Variants in ITGB3 observed in about 807,000 individuals in gnomAD.
ITGB3 encodes integrin subunit beta 3.
Under a neutral mutation model 85.8 loss-of-function variants are expected in ITGB3, and 48 were observed. The ratio of observed to expected loss-of-function variants is 0.56; its 90% CI spans 0.44 to 0.71. The LOEUF is 0.71. ITGB3 is among the 30% of genes least tolerant of loss of function. ITGB3 has a pLI of 0.00. For synonymous variants in ITGB3, 363 were observed against 395.6 expected (o/e 0.92, Z 0.98); for missense variants, 861 against 1,019.1 (o/e 0.84, Z 2.11).
chr17:47,255,186 C>T (rs2064984572), intron 1 of ITGB3, among the ~76,000 whole-genome samples: 1 of 151,804 alleles, frequency 6.6e-6, no homozygotes, highest in Non-Finnish European at 1.5e-5. Flanking sequence ...ACCATGTTGG[C>T]CAGGCTGGTC....
intron 1 of ITGB3, among the ~76,000 whole-genome samples, chr17:47,270,403 A>T (rs1249076241): frequency 3.9e-5 from 6 of 152,156 alleles, no homozygotes. Flanking sequence ...AAGTCTTCTG[A>T]TAGGGGAAAA....
chr17:47,287,349 C>T (rs2065106592), intron 6 of ITGB3, 118 bp downstream of exon 6: 1 of 1,185,924 alleles, frequency 8.4e-7, no homozygotes. Flanking sequence ...GGGTGCAGGG[C>T]TCGGTTCCAG....
rs117052258 is a variant in ITGB3 at position 47,253,855 on chromosome 17, G to C, written c.-7G>C. 35,365 of 1,219,630 alleles carry C rather than the reference G, an allele frequency of 0.029. 1,156 individuals carry two copies. Among genetic ancestry groups the C allele is most frequent in the East Asian group, 0.2 (6,153 of 30,132 alleles). The allele number at this position is 1,219,630 out of a possible 1,614,324, so 75.6% of individuals were successfully genotyped here. On this transcript the variant is annotated 5_prime_UTR_variant, in exon 1 of 15. Transcript: ENST00000559488. The stretch of plus-strand genomic sequence containing the variant: ...GGGCGGGCGGAGCGCCGCGGGAGGC[G>C]GACGAGATGCGAGCGCGGCCGCGGC...
chr17:47,283,447 G>C lies in ITGB3; in HGVS notation c.259G>C (p.Ala87Pro), dbSNP rs1457819438. The change falls in exon 3 of 15, where the codon GCC becomes CCC. Residue 87 changes from alanine to proline, a missense_variant. Physicochemically the swap from Ala to Pro is conservative, Grantham distance 27. Coordinates refer to ENST00000559488, the MANE Select transcript of ITGB3 (RefSeq NM_000212.3). ...ATCCATCGAGTTCCCAGTGAGTGAG[G>C]CCCGAGTACTAGAGGACAGGCCCCT... The part of the protein sequence containing the change: ...PESIEFPVSE[A>P]RVLEDRPLSD... The C allele has an allele frequency of 2.5e-6, 4 of 1,614,120 alleles. No individual in the cohort carries two copies. The African/African-American group carries it at 5.3e-5, about 22-fold the overall frequency.
chr17:47,274,337 T>C, intron 1 of ITGB3, 82 bp from the exon 2 acceptor site: 2 of 1,215,352 alleles, frequency 1.6e-6, no homozygotes, highest in Non-Finnish European at 2.4e-6. Context: ...ACCTGGACAT[T>C]GGGAAAGTTG....
chr17:47,288,206 AAGAGAGAGAGAGAG>A (rs200536313), intron 6 of ITGB3, among the ~76,000 whole-genome samples: 3 of 134,828 alleles, frequency 2.2e-5, no homozygotes, highest in East Asian at 4.4e-4. Flanking sequence ...TTCTCTTAGA[AAGAGAGAGAGAGAG>A]AGAGAGAGAG....
chr17:47,300,448 G>T, intron 11 of ITGB3, 30 bp from the exon 12 acceptor site: 1 of 1,546,714 alleles, frequency 6.5e-7, no homozygotes. Context: ...CTCCTTCTTT[G>T]CCTTAATCAC....
chr17:47,286,556 T>A, intron 5 of ITGB3, 134 bp downstream of exon 5: 1 of 1,089,378 alleles, frequency 9.2e-7, no homozygotes, highest in South Asian at 1.3e-5. Flanking sequence ...TTATGAGTAG[T>A]AAGTTGCTCC....
intron 1 of ITGB3, among the ~76,000 whole-genome samples, chr17:47,265,047 T>C (rs1306798806): frequency 6.6e-6 from 1 of 152,224 alleles, no homozygotes; most frequent in Non-Finnish European, 1.5e-5. Context: ...AGGTAGATGC[T>C]CAATGAATAT....
chr17:47,278,981 T>G (rs2065073769), intron 2 of ITGB3, among the ~76,000 whole-genome samples: 1 of 152,356 alleles, frequency 6.6e-6, no homozygotes, highest in South Asian at 2.1e-4. Flanking sequence ...GATTTCAGTA[T>G]AGTTAACTTA....
chr17:47,265,338 CA>C (rs1292883873), intron 1 of ITGB3, among the ~76,000 whole-genome samples: 1 of 152,140 alleles, frequency 6.6e-6, no homozygotes, highest in Non-Finnish European at 1.5e-5. Context: ...TGGCATAAAA[CA>C]ACAGAAATTT....
At chr17:47,281,560 C>T (rs866072031) in intron 2 of ITGB3, among the ~76,000 whole-genome samples, 3 of 152,102 alleles carry the variant, frequency 2.0e-5, no homozygotes, top group Admixed American at 6.5e-5. Flanking sequence ...TCCAGGGTGG[C>T]GTGGTCCCCT....
chr17:47,310,066 T>C (rs1475071113), intron 14 of ITGB3, 73 bp from the exon 15 acceptor site: 14 of 1,343,024 alleles, frequency 1.0e-5, no homozygotes, highest in Non-Finnish European at 1.5e-5. Flanking sequence ...ACTTCTGAGA[T>C]GAATTTTAAA....
intron 4 of ITGB3, 49 bp downstream of exon 4, chr17:47,284,744 G>T: frequency 1.2e-6 from 2 of 1,611,802 alleles, no homozygotes; most frequent in Non-Finnish European, 1.7e-6. Context: ...CCCCAGGAAG[G>T]TCCAAGTCCT....
At chr17:47,256,897 G>C (rs955962810) in intron 1 of ITGB3, among the ~76,000 whole-genome samples, 2 of 152,174 alleles carry the variant, frequency 1.3e-5, no homozygotes, top group African/African-American at 4.8e-5. Flanking sequence ...TCAGGTCCTG[G>C]AGAAACACAG....
chr17:47,307,499 G>C lies in ITGB3; in HGVS notation c.2163G>C (p.Val721=). The C allele has an allele frequency of 6.2e-7, 1 of 1,614,052 alleles. No individual in the cohort carries two copies. Among genetic ancestry groups the C allele is most frequent in the African/African-American group, 1.3e-5 (1 of 75,018 alleles). ...GTCCCAAGGGCCCTGACATCCTGGT[G>C]GTCCTGCTCTCAGTGATGGGGGCCA... ...PECPKGPDIL[V]VLLSVMGAIL... Residue 721 remains valine (V), a synonymous_variant, in exon 14 of 15, where the codon GTG becomes GTC. Coordinates refer to ENST00000559488, the MANE Select transcript of ITGB3 (RefSeq NM_000212.3).
intron 8 of ITGB3, 30 bp downstream of exon 8, chr17:47,290,304 C>T (rs751462011): frequency 6.7e-5 from 106 of 1,575,154 alleles, no homozygotes; most frequent in Middle Eastern, 2.0e-4. Flanking sequence ...AATAGTCCCG[C>T]GGAGAGTCCA....
chr17:47,290,818 CA>C, intron 8 of ITGB3, 135 bp from the exon 9 acceptor site: 1 of 1,005,674 alleles, frequency 9.9e-7, no homozygotes, highest in Non-Finnish European at 1.6e-6. Flanking sequence ...GCTTCCAGGT[CA>C]AACCTTGGCC....
intron 1 of ITGB3, among the ~76,000 whole-genome samples, chr17:47,260,460 G>A (rs1253170642): frequency 6.6e-6 from 1 of 152,176 alleles, no homozygotes; most frequent in East Asian, 1.9e-4. Flanking sequence ...CTTTGCACTA[G>A]AAGAGAGCTC....
Sources: gnomAD v4.1 joint callset for allele counts (sites outside exome capture counted in the v4.1 genomes callset) on GRCh38, gnomAD v4.1.1 for gene constraint, MANE v1.5 for transcripts, NCBI Gene and HGNC (gene_info 2026-07-23, HGNC 2026-07-21) for gene names.